The following ROBO2 variants were observed in gnomAD, a reference collection of about 807,000 sequenced individuals.
ROBO2 encodes roundabout guidance receptor 2.
In ROBO2, 53 loss-of-function variants were observed where a neutral mutation model predicts 160.8. That is an observed-to-expected ratio of 0.33 (90% CI 0.26 to 0.41). The LOEUF is 0.41. Ranked by LOEUF, ROBO2 falls within the 10% of genes least tolerant of loss-of-function variation. The pLI, the probability that ROBO2 is intolerant of heterozygous loss-of-function variation, is 1.00. For missense variants in ROBO2, 1,577 were observed against 1,722.4 expected (o/e 0.92, Z 1.49); for synonymous variants, 664 against 611.7 (o/e 1.09, Z -1.26).
intron 2 of ROBO2, among the ~76,000 whole-genome samples, chr3:77,225,459 CA>C (rs1294780789): frequency 6.6e-6 from 1 of 151,848 alleles, no homozygotes; most frequent in African/African-American, 2.4e-5. Flanking sequence ...TTGTCTTCAA[CA>C]ATATGCTGGA....
At chr3:76,253,720 G>A (rs1198708048) in intron 2 of ROBO2, among the ~76,000 whole-genome samples, 2 of 151,112 alleles carry the variant, frequency 1.3e-5, no homozygotes, top group Non-Finnish European at 2.9e-5. Flanking sequence ...GCATATATAA[G>A]CATCACTATT....
chr3:76,986,307 G>C lies in ROBO2; in HGVS notation c.110-111707G>C, dbSNP rs139081864. Among the ~76,000 whole-genome samples, 894 of 152,116 alleles carry C rather than the reference G, an allele frequency of 5.9e-3. 11 individuals carry two copies. Among genetic ancestry groups the C allele is most frequent in the African/African-American group, 0.021 (855 of 41,510 alleles). On this transcript the variant is annotated intron_variant, in intron 2 of 26. Transcript: ENST00000487694. ...TGTTTACTATTGATCAAAATTCTGAGGAGTTACCTCTGCTTTAAAAATTTT... is the reference window on the plus strand; with the variant it reads ...TGTTTACTATTGATCAAAATTCTGACGAGTTACCTCTGCTTTAAAAATTTT...
At chr3:76,736,283 A>AAAAACAAAATAAAATAAAATAAAAT (rs2093711168) in intron 2 of ROBO2, among the ~76,000 whole-genome samples, 1 of 119,450 alleles carries the variant, frequency 8.4e-6, no homozygotes, top group Non-Finnish European at 1.6e-5. Context: ...CTCCGTCTCA[A>AAAAACAAAATAAAATAAAATAAAAT]AAAATAAAAT....
At chr3:76,330,053 GGGTTTTCAAAGGCCA>G (rs2073364372) in intron 2 of ROBO2, among the ~76,000 whole-genome samples, 1 of 152,088 alleles carries the variant, frequency 6.6e-6, no homozygotes, top group East Asian at 1.9e-4. Context: ...GTATCTATGT[GGGTTTTCAAAGGCCA>G]TATTTGAAAG....
At chr3:76,384,613 A>G (rs2076793532) in intron 2 of ROBO2, among the ~76,000 whole-genome samples, 2 of 152,288 alleles carry the variant, frequency 1.3e-5, no homozygotes, top group South Asian at 4.1e-4. Flanking sequence ...TAACTGACTC[A>G]CAGTTCCACA....
chr3:77,421,187 A>G (rs1265562472), intron 2 of ROBO2, among the ~76,000 whole-genome samples: 1 of 152,156 alleles, frequency 6.6e-6, no homozygotes, highest in Non-Finnish European at 1.5e-5. Flanking sequence ...TATTTTATAC[A>G]TTAGATGTGT....
chr3:76,579,772 C>G (rs372035960), intron 2 of ROBO2, among the ~76,000 whole-genome samples: 34 of 110,690 alleles, frequency 3.1e-4, no homozygotes, highest in East Asian at 2.0e-3. Context: ...AAAGCTATGA[C>G]TTTGGTTGAG....
At position 76,696,492 on chromosome 3, in the gene ROBO2, TC is replaced by T. The variant is rs1416708513; in HGVS notation, c.110-401519del. Among the ~76,000 whole-genome samples the T allele has an allele frequency of 3.9e-5, 6 of 152,160 alleles. 1 individual carries two copies. In the South Asian group the frequency reaches 1.2e-3, roughly 32 times the overall value. On this transcript the variant is annotated intron_variant, in intron 2 of 26. Coordinates refer to the ROBO2 transcript ENST00000487694. Reference sequence around the variant, plus strand: ...GCTGGCTCGAATGCCTGGGTTTATATCCCGATCATTTAATGAACCATTAGAA... The same window carrying T: ...GCTGGCTCGAATGCCTGGGTTTATATCCGATCATTTAATGAACCATTAGAA...
At chr3:76,189,116 C>G (rs1046062101) in intron 2 of ROBO2, among the ~76,000 whole-genome samples, 1 of 151,906 alleles carries the variant, frequency 6.6e-6, no homozygotes, top group Admixed American at 6.6e-5. Flanking sequence ...GTTGCTCTTT[C>G]CAGAAAGTTG....
intron 2 of ROBO2, among the ~76,000 whole-genome samples, chr3:76,818,960 G>A (rs1405660598): frequency 1.3e-5 from 2 of 151,998 alleles, no homozygotes; most frequent in African/African-American, 2.4e-5. Context: ...GGTTCCATAT[G>A]AATTGACTCT....
At chr3:77,319,774 T>G (rs2064474695) in intron 2 of ROBO2, among the ~76,000 whole-genome samples, 1 of 152,190 alleles carries the variant, frequency 6.6e-6, no homozygotes, top group South Asian at 2.1e-4. Context: ...GAAACAGATT[T>G]TAATGGATGT....
intron 9 of ROBO2, among the ~76,000 whole-genome samples, chr3:77,559,532 G>T (rs1247228941): frequency 6.6e-6 from 1 of 152,068 alleles, no homozygotes; most frequent in Non-Finnish European, 1.5e-5. Flanking sequence ...CTTGGGTCCA[G>T]GTTGAAATTC....
At chr3:77,526,656 T>A (rs184816357) in intron 6 of ROBO2, among the ~76,000 whole-genome samples, 1 of 151,670 alleles carries the variant, frequency 6.6e-6, no homozygotes, top group East Asian at 1.9e-4. Context: ...AGGGGCAGCC[T>A]ATTACCACTG....
intron 2 of ROBO2, among the ~76,000 whole-genome samples, chr3:76,647,563 CAATT>C (rs1339091100): frequency 2.0e-5 from 3 of 152,152 alleles, no homozygotes; most frequent in Non-Finnish European, 4.4e-5. Context: ...AATACCTTCT[CAATT>C]AAACACAGGA....
chr3:76,852,592 T>G (rs1034312326), intron 2 of ROBO2, among the ~76,000 whole-genome samples: 8 of 152,172 alleles, frequency 5.3e-5, no homozygotes, highest in African/African-American at 1.9e-4. Flanking sequence ...GTTATGCTAC[T>G]TTTCAAGTAT....
intron 2 of ROBO2, among the ~76,000 whole-genome samples, chr3:76,712,909 T>G (rs264545): frequency 0.39 from 59,189 of 151,960 alleles, 12,296 homozygotes; most frequent in Non-Finnish European, 0.47. Flanking sequence ...CTTTTTAAAA[T>G]AAATGATCAT....
intron 2 of ROBO2, among the ~76,000 whole-genome samples, chr3:76,235,948 G>A (rs185225136): frequency 2.0e-5 from 3 of 152,148 alleles, no homozygotes; most frequent in Middle Eastern, 3.4e-3. Flanking sequence ...ACACATTTAA[G>A]TTATCAAAAA....
chr3:75,911,552 C>CTTTTTTTTTTTTT (rs56787695), intron 1 of ROBO2, among the ~76,000 whole-genome samples: 2 of 83,558 alleles, frequency 2.4e-5, no homozygotes, highest in Non-Finnish European at 4.4e-5. Context: ...AGCCTTGTTT[C>CTTTTTTTTTTTTT]TTTTTTTTTT....
At chr3:76,334,195 A>G (rs1351252747) in intron 2 of ROBO2, among the ~76,000 whole-genome samples, 1 of 152,172 alleles carries the variant, frequency 6.6e-6, no homozygotes, top group East Asian at 1.9e-4. Flanking sequence ...CACCCATATC[A>G]TCATTATTAT....
Sources: gnomAD v4.1 joint callset for allele counts (sites outside exome capture counted in the v4.1 genomes callset) on GRCh38, gnomAD v4.1.1 for gene constraint, MANE v1.5 for transcripts, NCBI Gene and HGNC (gene_info 2026-07-23, HGNC 2026-07-21) for gene names.